Variants in ETV1 observed in about 807,000 individuals in gnomAD.
The protein encoded by ETV1 is ETS translocation variant 1.
Under a neutral mutation model 62.3 loss-of-function variants are expected in ETV1, and 27 were observed. The ratio of observed to expected loss-of-function variants is 0.43; its 90% CI spans 0.32 to 0.60. ETV1 has a LOEUF of 0.60. Ranked by LOEUF, ETV1 falls within the 20% of genes least tolerant of loss-of-function variation. The probability of loss-of-function intolerance (pLI) is 0.06; values close to 1 mark genes in which losing one functional copy is unlikely to be tolerated. For missense variants in ETV1, 605 were observed against 605.8 expected (o/e 1.00, Z 0.01); for synonymous variants, 222 against 199.6 (o/e 1.11, Z -0.94).
At chr7:13,939,077 A>G in intron 7 of ETV1, 40 bp downstream of exon 7, 1 of 1,577,670 alleles carries the variant, frequency 6.3e-7, no homozygotes, top group Non-Finnish European at 8.6e-7. Context: ...TTGATTCAAT[A>G]AGAACCACTA....
chr7:13,904,703 G>GCTCAGTTCCAGCATGAACCAACTCTT lies in ETV1; in HGVS notation c.1110+1701_1110+1726dup, dbSNP rs1782777335. 6.6e-5 allele frequency among the ~76,000 whole-genome samples: 10 copies of GCTCAGTTCCAGCATGAACCAACTCTT among 151,946 alleles called. 1 individual carries two copies. The South Asian group carries it at 2.1e-3, about 32-fold the overall frequency. On this transcript the variant is annotated intron_variant, in intron 12 of 13. Coordinates refer to ENST00000430479, the MANE Select transcript of ETV1 (RefSeq NM_004956.5). Reference sequence around the variant, plus strand: ...ACTGATACAAATCCCTGTAGAAAGTGCTCAGTTCCAGCATGAACCAACTCT... The same window carrying GCTCAGTTCCAGCATGAACCAACTCTT: ...ACTGATACAAATCCCTGTAGAAAGTGCTCAGTTCCAGCATGAACCAACTCTTCTCAGTTCCAGCATGAACCAACTCT...
intron 9 of ETV1, among the ~76,000 whole-genome samples, chr7:13,923,048 T>C (rs568620551): frequency 1.6e-3 from 239 of 152,330 alleles, no homozygotes; most frequent in South Asian, 7.5e-3. Context: ...TAGAAATAAA[T>C]GACTGGGATA....
At chr7:13,967,779 T>A (rs765885738) in intron 6 of ETV1, among the ~76,000 whole-genome samples, 1 of 152,080 alleles carries the variant, frequency 6.6e-6, no homozygotes, top group Non-Finnish European at 1.5e-5. Context: ...ATGTACTAGT[T>A]TAGCTCAGGT....
chr7:13,982,966 G>C (rs555269747), intron 5 of ETV1, among the ~76,000 whole-genome samples: 1 of 152,102 alleles, frequency 6.6e-6, no homozygotes, highest in African/African-American at 2.4e-5. Context: ...AGCGAATTGA[G>C]GGGAAAGTAA....
intron 7 of ETV1, among the ~76,000 whole-genome samples, chr7:13,937,455 C>T (rs1379346274): frequency 6.8e-6 from 1 of 146,408 alleles, no homozygotes; most frequent in Non-Finnish European, 1.5e-5. Flanking sequence ...TTGCATATGC[C>T]ATATATCACT....
At chr7:13,896,463 G>C (rs1465550896) in intron 13 of ETV1, among the ~76,000 whole-genome samples, 2 of 152,032 alleles carry the variant, frequency 1.3e-5, no homozygotes, top group Admixed American at 6.6e-5. Flanking sequence ...TTAAAAGGTA[G>C]TATCTACAAA....
chr7:13,945,056 C>T (rs1270275832), intron 6 of ETV1, among the ~76,000 whole-genome samples: 1 of 152,008 alleles, frequency 6.6e-6, no homozygotes, highest in Non-Finnish European at 1.5e-5. Context: ...GATTTCCAGC[C>T]TCCAGAACTG....
In ETV1 at chr7:13,911,262, A is replaced by G. The variant is rs776280186; in HGVS notation, c.848T>C (p.Leu283Pro). Residue 283 changes from leucine to proline, a missense_variant, in exon 10 of 14, where the codon CTG becomes CCG. By Grantham distance (98) the Leu-to-Pro change is moderately conservative (BLOSUM62 -3). Around this residue, in one of 3 missense-constraint regions of ETV1, gnomAD observed 426 missense variants for 377.8 expected, o/e 1.13. Coordinates refer to ENST00000430479, the MANE Select transcript of ETV1 (RefSeq NM_004956.5). ...AACTTCTGTTCTGCTGGGATGAGCC[A>G]GGAAGCCTTCTTGCCTCATATAAAT... Reference protein sequence around the residue: ...HSIYMRQEGFLAHPSRTEGCM... With the variant: ...HSIYMRQEGFPAHPSRTEGCM... The G allele has an allele frequency of 3.7e-6, 6 of 1,613,116 alleles. No individual in the cohort carries two copies. Among genetic ancestry groups the G allele is most frequent in the Middle Eastern group, 1.7e-4 (1 of 6,060 alleles).
At chr7:13,987,632 G>C (rs960491882) in intron 4 of ETV1, among the ~76,000 whole-genome samples, 9 of 152,074 alleles carry the variant, frequency 5.9e-5, no homozygotes, top group African/African-American at 2.2e-4. Context: ...TGAAAATTCT[G>C]TTAATAGTAG....
intron 5 of ETV1, among the ~76,000 whole-genome samples, chr7:13,978,162 G>C (rs1562710399): frequency 6.6e-6 from 1 of 152,018 alleles, no homozygotes; most frequent in East Asian, 1.9e-4. Flanking sequence ...GCAACTACTA[G>C]GCATTAACAA....
At chr7:13,927,686 T>G (rs566669262) in intron 9 of ETV1, among the ~76,000 whole-genome samples, 1 of 152,196 alleles carries the variant, frequency 6.6e-6, no homozygotes, top group Admixed American at 6.5e-5. Flanking sequence ...TTGATTGCCA[T>G]GTATGACATA....
intron 6 of ETV1, among the ~76,000 whole-genome samples, chr7:13,957,148 C>T (rs1358304560): frequency 2.0e-5 from 3 of 152,036 alleles, no homozygotes; most frequent in South Asian, 2.1e-4. Flanking sequence ...TGCAGTGGCG[C>T]GATCTCAGCT....
chr7:13,946,653 T>C (rs1788200313), intron 6 of ETV1, among the ~76,000 whole-genome samples: 2 of 152,230 alleles, frequency 1.3e-5, no homozygotes, highest in Non-Finnish European at 2.9e-5. Context: ...TGCCCTGAGC[T>C]TTCTAAAAGC....
chr7:13,915,426 GAATT>G (rs1428441616), intron 9 of ETV1, among the ~76,000 whole-genome samples: 1 of 152,158 alleles, frequency 6.6e-6, no homozygotes, highest in Non-Finnish European at 1.5e-5. Context: ...GTTGTATTAA[GAATT>G]AATATCACCA....
chr7:13,974,909 A>G (rs1781271301), intron 6 of ETV1: 1 of 152,344 alleles, frequency 6.6e-6, no homozygotes, highest in Admixed American at 6.5e-5. Flanking sequence ...CTAAGGGAGC[A>G]AGTCCAGAGG....
At chr7:13,919,565 TACACACACACACACACAC>T (rs35735011) in intron 9 of ETV1, among the ~76,000 whole-genome samples, 21 of 135,472 alleles carry the variant, frequency 1.6e-4, no homozygotes, top group Admixed American at 4.4e-4. Flanking sequence ...ATAGAAACCA[TACACACACACACACACAC>T]ACACACACAC....
At position 13,900,822 on chromosome 7, in the gene ETV1, G is replaced by A. The variant is rs765606476; in HGVS notation, c.1128C>T (p.Gly376=). Residue 376 remains glycine (G), a synonymous_variant, in exon 13 of 14, where the codon GGC becomes GGT. Coordinates refer to ENST00000430479, the MANE Select transcript of ETV1 (RefSeq NM_004956.5). The part of the protein sequence containing the change: ...IEPEEVARRW[G]IQKNRPAMNY... ...TCATAGCTGGCCTGTTTTTCTGAAT[G>A]CCCCAACGTCGGGCCACCTGCCGCG... 4 of 1,608,116 alleles carry A rather than the reference G, an allele frequency of 2.5e-6. No individual in the cohort carries two copies. In the East Asian group the frequency reaches 8.9e-5, roughly 36 times the overall value.
intron 10 of ETV1, among the ~76,000 whole-genome samples, chr7:13,911,034 T>G (rs139328924): frequency 0.026 from 3,905 of 152,346 alleles, 73 homozygotes; most frequent in Middle Eastern, 0.082. Flanking sequence ...TTCAGTTGTT[T>G]CTACGCATAT....
At chr7:13,942,061 T>C (rs112646400) in intron 6 of ETV1, among the ~76,000 whole-genome samples, 3,399 of 140,592 alleles carry the variant, frequency 0.024, 53 homozygotes, top group Non-Finnish European at 0.038. Flanking sequence ...TCTCACTCTT[T>C]CGCCCAGGCT....
Sources: gnomAD v4.1 joint callset for allele counts (sites outside exome capture counted in the v4.1 genomes callset) on GRCh38, gnomAD v4.1.1 for gene constraint, gnomAD v4.1.1 regional missense constraint, MANE v1.5 for transcripts, NCBI Gene and HGNC (gene_info 2026-07-23, HGNC 2026-07-21) for gene names.